Variants in SLC3A1 observed in about 807,000 individuals in gnomAD.
SLC3A1 encodes the protein amino acid transporter heavy chain SLC3A1.
A neutral mutation model predicts 60.3 loss-of-function variants in SLC3A1; 78 were observed. The observed-to-expected ratio is 1.29, with a 90% confidence interval of 1.08 to 1.56. The LOEUF is 1.56. SLC3A1 is among the 40% of genes most tolerant of loss of function. SLC3A1 has a pLI of 0.00. For synonymous variants in SLC3A1, 392 were observed against 307.9 expected, an observed-to-expected ratio of 1.27 and a Z score of -2.86; for missense variants, 1,172 against 858.9, an observed-to-expected ratio of 1.36 and a Z score of -4.56.
intron 4 of SLC3A1, among the ~76,000 whole-genome samples, chr2:44,297,914 G>A (rs1558460973): frequency 6.6e-6 from 1 of 152,076 alleles, no homozygotes; most frequent in Non-Finnish European, 1.5e-5. Flanking sequence ...ATCTTTTCAA[G>A]GTTCATCCAT....
chr2:44,315,653 C>CAAAAAAAAAAAAAAAAAA lies in SLC3A1; in HGVS notation c.1617+1707_1617+1724dup, dbSNP rs70965350. Among the ~76,000 whole-genome samples, 2 of 52,626 alleles carry CAAAAAAAAAAAAAAAAAA rather than the reference C, an allele frequency of 3.8e-5. 1 individual carries two copies. The highest frequency in any genetic ancestry group is 1.6e-4 in the African/African-American group (2 of 12,384). The allele number at this position is 52,626 out of a possible 152,430, so 34.5% of individuals were successfully genotyped here. On this transcript the variant is annotated intron_variant, in intron 9 of 9. Transcript: ENST00000260649. ...CCTGGGTGCCAGAGTAAGACCGCCT[C>CAAAAAAAAAAAAAAAAAA]AAAAAAAAAAAAAAAAAAAAAAGCA...
At chr2:44,283,825 C>T (rs1671551892) in intron 3 of SLC3A1, among the ~76,000 whole-genome samples, 2 of 151,952 alleles carry the variant, frequency 1.3e-5, no homozygotes, top group African/African-American at 4.8e-5. Flanking sequence ...TTTTTAGTTT[C>T]CTCTATTTTG....
chr2:44,301,319 T>A (rs1359465438), intron 6 of SLC3A1, 192 bp downstream of exon 6: 1 of 715,744 alleles, frequency 1.4e-6, no homozygotes, highest in African/African-American at 1.8e-5. Context: ...TGACTTTCAG[T>A]TTCCTCTTTT....
intron 1 of SLC3A1, among the ~76,000 whole-genome samples, chr2:44,277,092 T>TTCTCTC (rs71393254): frequency 8.5e-6 from 1 of 117,226 alleles, no homozygotes; most frequent in African/African-American, 3.3e-5. Flanking sequence ...GCTCCTATCA[T>TTCTCTC]TCTCTCTCTT....
intron 4 of SLC3A1, 63 bp downstream of exon 4, chr2:44,286,220 C>T: frequency 6.7e-7 from 1 of 1,484,214 alleles, no homozygotes; most frequent in South Asian, 1.1e-5. Flanking sequence ...ATTTAAAACA[C>T]TTTATATTGC....
At chr2:44,295,952 C>G (rs2104356192) in intron 4 of SLC3A1, among the ~76,000 whole-genome samples, 1 of 152,274 alleles carries the variant, frequency 6.6e-6, no homozygotes. Context: ...TTAGGGCCTT[C>G]TTAAAATAGA....
chr2:44,280,917 C>T (rs1671482611), intron 2 of SLC3A1, 22 bp downstream of exon 2: 1 of 1,605,226 alleles, frequency 6.2e-7, no homozygotes, highest in Admixed American at 1.7e-5. Flanking sequence ...GGAAAGTGGG[C>T]AAGATGGGGA....
At chr2:44,309,051 T>G (rs1010714037) in intron 7 of SLC3A1, among the ~76,000 whole-genome samples, 3 of 152,162 alleles carry the variant, frequency 2.0e-5, no homozygotes, top group Admixed American at 1.3e-4. Flanking sequence ...ATTTTTTGTT[T>G]TAAAATTATT....
chr2:44,302,309 GATTAA>G (rs146200831), intron 6 of SLC3A1, among the ~76,000 whole-genome samples: 4,051 of 152,220 alleles, frequency 0.027, 160 homozygotes, highest in African/African-American at 0.089. Flanking sequence ...GCTGTTGTGA[GATTAA>G]ATTAGATAAT....
At chr2:44,316,860 T>C (rs1325155044) in intron 9 of SLC3A1, among the ~76,000 whole-genome samples, 2 of 152,222 alleles carry the variant, frequency 1.3e-5, no homozygotes, top group African/African-American at 2.4e-5. Flanking sequence ...TCTGAAAGAA[T>C]AGTCAAGGGA....
At chr2:44,310,821 CA>C (rs1411170480) in intron 7 of SLC3A1, among the ~76,000 whole-genome samples, 1 of 150,368 alleles carries the variant, frequency 6.7e-6, no homozygotes, top group African/African-American at 2.5e-5. Context: ...TTTTTTGAGA[CA>C]GGGTTTTGCT....
chr2:44,312,847 A>G, intron 8 of SLC3A1, 94 bp downstream of exon 8: 5 of 965,184 alleles, frequency 5.2e-6, no homozygotes, highest in East Asian at 2.6e-5. Context: ...CTATCTCTCT[A>G]TTGCATTGCT....
intron 3 of SLC3A1, among the ~76,000 whole-genome samples, chr2:44,282,738 G>A (rs1383811732): frequency 6.6e-6 from 1 of 152,040 alleles, no homozygotes; most frequent in Non-Finnish European, 1.5e-5. Context: ...GCTCACCGCA[G>A]TCTTTGCCTC....
chr2:44,311,625 A>C (rs1312740630), intron 7 of SLC3A1, among the ~76,000 whole-genome samples: 2 of 152,150 alleles, frequency 1.3e-5, no homozygotes, highest in Non-Finnish European at 2.9e-5. Context: ...ATGGAGGCAA[A>C]AATTGACCTA....
intron 9 of SLC3A1, chr2:44,314,790 T>G (rs1174722064): frequency 6.6e-6 from 1 of 151,780 alleles, no homozygotes; most frequent in African/African-American, 2.4e-5. Flanking sequence ...TATATATGGG[T>G]TGAATGCCTC....
rs904130361 is a variant in SLC3A1, at chr2:44,301,453, G to A, written c.1136+326G>A. The A allele has an allele frequency of 3.5e-5, 18 of 509,910 alleles. No homozygotes were observed. In the South Asian group the frequency reaches 3.5e-4, roughly 10 times the overall value. 31.6% of individuals were successfully genotyped at this position (509,910 alleles called of 1,614,324 possible). On this transcript the variant is annotated intron_variant, in intron 6 of 9. Coordinates refer to ENST00000260649, the MANE Select transcript of SLC3A1 (RefSeq NM_000341.4). The stretch of plus-strand genomic sequence containing the variant: ...ATTATTTTTTCTTTTTCAAAAACCA[G>A]TTCCAGGCCGGGCACAGTGGCTCAC...
At position 44,313,872 on chromosome 2, in the gene SLC3A1, A is replaced by G. The variant is rs1445667011; in HGVS notation, c.1538A>G (p.Asn513Ser). Residue 513 changes from asparagine to serine, a missense_variant, in exon 9 of 10, where the codon AAT becomes AGT. Transcript: ENST00000260649. ...LRSKSPMQWDNSSNAGFSEAS... is the reference protein window; with the variant it reads ...LRSKSPMQWDSSSNAGFSEAS... ...TCAAAGTCACCAATGCAGTGGGACA[A>G]TAGTTCAAATGCTGGTTTTTCTGAA... 3 of 1,614,002 alleles carry G rather than the reference A, an allele frequency of 1.9e-6. No individual in the cohort carries two copies. Among genetic ancestry groups the G allele is most frequent in the Admixed American group, 3.3e-5 (2 of 59,994 alleles).
At chr2:44,321,790 C>G, downstream of SLC3A1, 1 of 1,613,648 alleles carries the variant, frequency 6.2e-7, no homozygotes, top group Non-Finnish European at 8.5e-7. Flanking sequence ...GTATCTAGTT[C>G]GGGAATCTGT....
At chr2:44,319,337 T>C (rs184130986) in intron 9 of SLC3A1, 91 of 152,348 alleles carry the variant, frequency 6.0e-4, no homozygotes, top group African/African-American at 2.1e-3. Flanking sequence ...GCCCATACTC[T>C]TTGACAAAGT....
Sources: gnomAD v4.1 joint callset for allele counts (sites outside exome capture counted in the v4.1 genomes callset) on GRCh38, gnomAD v4.1.1 for gene constraint, MANE v1.5 for transcripts, NCBI Gene and HGNC (gene_info 2026-07-23, HGNC 2026-07-21) for gene names.